RBMS3: variants seen among roughly 807,000 people sequenced by gnomAD.
The protein encoded by RBMS3 is RNA-binding motif, single-stranded-interacting protein 3.
Under a neutral mutation model 66.8 loss-of-function variants are expected in RBMS3, and 27 were observed. That is an observed-to-expected ratio of 0.40 (90% confidence interval 0.30 to 0.56). RBMS3 has a LOEUF of 0.56. RBMS3 is among the 20% of genes least tolerant of loss of function. RBMS3 has a pLI of 0.40. For synonymous variants in RBMS3, 188 were observed against 183.0 expected (o/e 1.03, Z -0.22); for missense variants, 513 against 549.5 (o/e 0.93, Z 0.66).
intron 2 of RBMS3, among the ~76,000 whole-genome samples, chr3:29,467,812 C>T (rs188934485): frequency 6.6e-6 from 1 of 152,046 alleles, no homozygotes; most frequent in Non-Finnish European, 1.5e-5. Context: ...GACTTAGGCA[C>T]ACAGAGCTAA....
At chr3:29,535,658 T>C in intron 3 of RBMS3, among the ~76,000 whole-genome samples, 1 of 148,452 alleles carries the variant, frequency 6.7e-6, no homozygotes, top group African/African-American at 2.5e-5. Context: ...ATAAAACAGA[T>C]GTCTATCAAA....
chr3:29,747,867 G>A (rs897148418), intron 5 of RBMS3, among the ~76,000 whole-genome samples: 1 of 152,188 alleles, frequency 6.6e-6, no homozygotes, highest in Non-Finnish European at 1.5e-5. Context: ...GGAACCAGCA[G>A]TCATGTCTTT....
intron 2 of RBMS3, 25 bp from the exon 3 acceptor site, chr3:29,488,416 G>A (rs2371695): frequency 0.55 from 872,363 of 1,573,342 alleles, 243,717 homozygotes; most frequent in African/African-American, 0.59. Flanking sequence ...AATAACATGG[G>A]TTTTTTTCTC....
chr3:29,304,423 G>A (rs1041773559), intron 1 of RBMS3, among the ~76,000 whole-genome samples: 6 of 151,978 alleles, frequency 3.9e-5, no homozygotes, highest in Middle Eastern at 3.4e-3. Context: ...ATCTGTACTC[G>A]CCACTTTTTA....
chr3:29,593,551 A>G lies in RBMS3; in HGVS notation c.399+6346A>G, dbSNP rs144985529. 2.7e-3 allele frequency among the ~76,000 whole-genome samples: 411 copies of G among 152,302 alleles called. 4 individuals are homozygous for G. The highest frequency in any genetic ancestry group is 7.9e-3 in the African/African-American group (327 of 41,578). On this transcript the variant is annotated intron_variant, in intron 4 of 14. Coordinates refer to ENST00000383767, the MANE Select transcript of RBMS3 (RefSeq NM_001003793.3). ...ATCAATACTTTATATAGTGATGGAC[A>G]AGGGCTATCTGGGGATGCTAATGTT...
intron 1 of RBMS3, among the ~76,000 whole-genome samples, chr3:29,362,119 G>A (rs570447804): frequency 8.5e-5 from 13 of 152,190 alleles, no homozygotes; most frequent in Non-Finnish European, 1.9e-4. Context: ...AGGAGGAGAG[G>A]CGCTCTGATT....
intron 6 of RBMS3, among the ~76,000 whole-genome samples, chr3:29,842,024 A>T (rs1221103657): frequency 6.6e-6 from 1 of 152,114 alleles, no homozygotes; most frequent in Admixed American, 6.5e-5. Flanking sequence ...GAAGATCTCC[A>T]CAAGGAGAAA....
At chr3:29,485,937 G>T (rs2043301535) in intron 2 of RBMS3, among the ~76,000 whole-genome samples, 1 of 152,064 alleles carries the variant, frequency 6.6e-6, no homozygotes, top group South Asian at 2.1e-4. Flanking sequence ...GTAAGTAAAT[G>T]AGGTTATATA....
At chr3:29,798,929 G>GTTTTTTTTTTTT (rs368923260) in intron 6 of RBMS3, among the ~76,000 whole-genome samples, 3 of 127,702 alleles carry the variant, frequency 2.3e-5, no homozygotes, top group Non-Finnish European at 3.2e-5. Flanking sequence ...GTACCCTCTG[G>GTTTTTTTTTTTT]TTTTTTTTTT....
intron 3 of RBMS3, among the ~76,000 whole-genome samples, chr3:29,565,147 C>T (rs192729184): frequency 3.9e-4 from 60 of 152,184 alleles, no homozygotes; most frequent in African/African-American, 1.4e-3. Flanking sequence ...ATTTATTCTC[C>T]CCTCATCACC....
chr3:29,602,885 T>C (rs920270197), intron 4 of RBMS3, among the ~76,000 whole-genome samples: 3 of 152,018 alleles, frequency 2.0e-5, no homozygotes, highest in African/African-American at 7.2e-5. Flanking sequence ...TGCTTTCACA[T>C]GTTGTCTCCC....
intron 1 of RBMS3, among the ~76,000 whole-genome samples, chr3:29,414,196 G>A (rs1378832890): frequency 6.6e-6 from 1 of 152,140 alleles, no homozygotes; most frequent in Admixed American, 6.5e-5. Flanking sequence ...CAAAGCTTGT[G>A]CAAAATCAAA....
chr3:29,484,734 C>G (rs1247784451), intron 2 of RBMS3, among the ~76,000 whole-genome samples: 2 of 152,146 alleles, frequency 1.3e-5, no homozygotes, highest in Admixed American at 6.5e-5. Context: ...AACATTCCAA[C>G]TGGGTCCCTA....
intron 12 of RBMS3, among the ~76,000 whole-genome samples, chr3:29,982,425 C>T (rs1388327130): frequency 6.6e-6 from 1 of 151,642 alleles, no homozygotes; most frequent in Non-Finnish European, 1.5e-5. Flanking sequence ...TTCAGTTCTG[C>T]TCTCATCTTA....
At chr3:29,327,414 C>G (rs763323094) in intron 1 of RBMS3, among the ~76,000 whole-genome samples, 1 of 152,144 alleles carries the variant, frequency 6.6e-6, no homozygotes, top group African/African-American at 2.4e-5. Flanking sequence ...ATGTGATAGA[C>G]AGAGTGTTCT....
In RBMS3 at chr3:29,988,834, G is replaced by A. The variant is rs545113854; in HGVS notation, c.1179+611G>A. On this transcript the variant is annotated intron_variant, in intron 13 of 14. Coordinates refer to ENST00000383767, the MANE Select transcript of RBMS3 (RefSeq NM_001003793.3). ...CTTTTAGGTACTATCCAGACCTACT[G>A]CATCTGAATTTGCATTTTAAGATGA... is the stretch of plus-strand genomic sequence containing the variant. Among the ~76,000 whole-genome samples, 9 of 152,278 alleles carry A rather than the reference G, an allele frequency of 5.9e-5. No individual in the cohort carries two copies. In the South Asian group the frequency reaches 1.2e-3, roughly 21 times the overall value.
chr3:29,402,964 T>C (rs1005630206), intron 1 of RBMS3, among the ~76,000 whole-genome samples: 17 of 151,926 alleles, frequency 1.1e-4, no homozygotes, highest in African/African-American at 3.6e-4. Flanking sequence ...GTTTATACTT[T>C]ACTTACTGAG....
At chr3:29,750,113 G>A (rs2055105315) in intron 5 of RBMS3, among the ~76,000 whole-genome samples, 1 of 152,114 alleles carries the variant, frequency 6.6e-6, no homozygotes, top group Non-Finnish European at 1.5e-5. Flanking sequence ...TCCTCTATCA[G>A]TTCAGTAAAT....
At chr3:29,886,747 A>G (rs904891309) in intron 8 of RBMS3, among the ~76,000 whole-genome samples, 7 of 151,834 alleles carry the variant, frequency 4.6e-5, no homozygotes, top group African/African-American at 1.4e-4. Context: ...ATAAATAATG[A>G]AGACTATATT....
Sources: gnomAD v4.1 joint callset for allele counts (sites outside exome capture counted in the v4.1 genomes callset) on GRCh38, gnomAD v4.1.1 for gene constraint, MANE v1.5 for transcripts, NCBI Gene and HGNC (gene_info 2026-07-23, HGNC 2026-07-21) for gene names.